ZBTB20: variants seen among roughly 807,000 people sequenced by gnomAD.
ZBTB20 encodes the protein zinc finger and BTB domain-containing protein 20.
Under a neutral mutation model 56.9 loss-of-function variants are expected in ZBTB20, and 9 were observed. The ratio of observed to expected loss-of-function variants is 0.16; its 90% confidence interval spans 0.10 to 0.28. The LOEUF is 0.28. Among genes scored for constraint, ZBTB20 ranks in the 10% least tolerant of loss-of-function variants. The pLI is 1.00. For missense variants in ZBTB20, 655 were observed against 1,003.0 expected (o/e 0.65, Z 4.69); for synonymous variants, 417 against 420.7 (o/e 0.99, Z 0.11).
At chr3:114,977,724 A>G (rs1267267958) in intron 2 of ZBTB20, among the ~76,000 whole-genome samples, 1 of 152,190 alleles carries the variant, frequency 6.6e-6, no homozygotes, top group Non-Finnish European at 1.5e-5. Context: ...CTGAACTCCA[A>G]TGTGGGAAGG....
intron 4 of ZBTB20, among the ~76,000 whole-genome samples, chr3:114,850,051 C>A (rs1306057500): frequency 6.6e-6 from 1 of 151,956 alleles, no homozygotes; most frequent in Non-Finnish European, 1.5e-5. Context: ...AGGTGCCCGC[C>A]ACCACGCCTG....
chr3:114,776,663 A>C (rs1000345396), intron 5 of ZBTB20, among the ~76,000 whole-genome samples: 1 of 152,226 alleles, frequency 6.6e-6, no homozygotes, highest in Admixed American at 6.5e-5. Flanking sequence ...ACAGGAAACT[A>C]ATACAAATGG....
intron 4 of ZBTB20, among the ~76,000 whole-genome samples, chr3:114,876,046 C>T (rs918500190): frequency 2.0e-5 from 3 of 151,346 alleles, no homozygotes; most frequent in African/African-American, 7.3e-5. Context: ...CCAGCCTGGG[C>T]AAAACAGCAA....
intron 5 of ZBTB20, among the ~76,000 whole-genome samples, chr3:114,717,345 A>G (rs1335450423): frequency 6.6e-6 from 1 of 152,122 alleles, no homozygotes; most frequent in East Asian, 1.9e-4. Context: ...AAATAAGCAA[A>G]CTGATAGCCA....
At chr3:114,955,973 T>C (rs1048639797) in intron 3 of ZBTB20, among the ~76,000 whole-genome samples, 2 of 152,138 alleles carry the variant, frequency 1.3e-5, no homozygotes, top group Non-Finnish European at 1.5e-5. Context: ...TGGTGCCAAA[T>C]AGTGATGGTT....
intron 2 of ZBTB20, among the ~76,000 whole-genome samples, chr3:114,977,376 A>G (rs1435518780): frequency 6.6e-6 from 1 of 152,226 alleles, no homozygotes; most frequent in Non-Finnish European, 1.5e-5. Context: ...TAAAAAACAA[A>G]TTTAAATGAG....
intron 1 of ZBTB20, among the ~76,000 whole-genome samples, chr3:115,101,350 A>AT (rs1432832279): frequency 6.6e-6 from 1 of 152,042 alleles, no homozygotes. Context: ...TTCTAACCAG[A>AT]TTTTTTCTAT....
At chr3:114,369,427 A>T (rs2722009) in intron 10 of ZBTB20, among the ~76,000 whole-genome samples, 3,035 of 152,330 alleles carry the variant, frequency 0.02, 109 homozygotes, top group African/African-American at 0.067. Flanking sequence ...TTGTGAAATT[A>T]TAAAGACTCA....
In ZBTB20 at chr3:114,720,830, C is replaced by T. The variant is rs547741046; in HGVS notation, c.-342-27255G>A. On this transcript the variant is annotated intron_variant, in intron 5 of 11. Coordinates refer to ENST00000675478, the MANE Select transcript of ZBTB20 (RefSeq NM_001348800.3). ...GACCTGTGCCTGACATATTTAATATCTATTTGTTGGGATAATGCCCAGAAG... is the reference window on the plus strand; with the variant it reads ...GACCTGTGCCTGACATATTTAATATTTATTTGTTGGGATAATGCCCAGAAG... Among the ~76,000 whole-genome samples the T allele has an allele frequency of 7.9e-5, 12 of 152,076 alleles. No homozygotes were observed. The South Asian group carries it at 2.5e-3, about 32-fold the overall frequency.
At chr3:115,066,065 T>C (rs1214270360) in intron 2 of ZBTB20, among the ~76,000 whole-genome samples, 3 of 152,154 alleles carry the variant, frequency 2.0e-5, no homozygotes, top group African/African-American at 4.8e-5. Context: ...CCCATGAAAC[T>C]CATTCCCCTT....
intron 7 of ZBTB20, among the ~76,000 whole-genome samples, chr3:114,497,388 C>T (rs62264753): frequency 6.6e-6 from 1 of 152,188 alleles, no homozygotes; most frequent in Non-Finnish European, 1.5e-5. Context: ...GCCTGCTTTC[C>T]AGCCCAATCT....
At chr3:114,716,307 A>G (rs1436991922) in intron 5 of ZBTB20, among the ~76,000 whole-genome samples, 1 of 152,152 alleles carries the variant, frequency 6.6e-6, no homozygotes, top group Non-Finnish European at 1.5e-5. Flanking sequence ...CAGACTAGAT[A>G]AATTACAGTA....
intron 5 of ZBTB20, 80 bp from the exon 6 acceptor site, chr3:114,693,655 C>G (rs777472275): frequency 6.6e-5 from 10 of 152,080 alleles, no homozygotes; most frequent in Non-Finnish European, 1.3e-4. Context: ...TAGAAAATAA[C>G]CCATTTATTC....
chr3:114,599,264 T>A (rs2056578943), intron 6 of ZBTB20: 1 of 152,058 alleles, frequency 6.6e-6, no homozygotes, highest in Non-Finnish European at 1.5e-5. Context: ...AATAGTTTCG[T>A]GAGGACTCAG....
chr3:114,384,406 G>GA (rs1472208646), intron 8 of ZBTB20, among the ~76,000 whole-genome samples: 13 of 150,952 alleles, frequency 8.6e-5, no homozygotes, highest in Non-Finnish European at 1.5e-5. Context: ...CTTCCACAGA[G>GA]AAACAGACCA....
At chr3:114,991,899 C>G (rs1173918762) in intron 2 of ZBTB20, among the ~76,000 whole-genome samples, 1 of 152,026 alleles carries the variant, frequency 6.6e-6, no homozygotes, top group Non-Finnish European at 1.5e-5. Flanking sequence ...GGTTTAAAGT[C>G]TGTTTTATCA....
chr3:114,736,101 C>A (rs2066139606), intron 5 of ZBTB20, among the ~76,000 whole-genome samples: 1 of 152,102 alleles, frequency 6.6e-6, no homozygotes, highest in African/African-American at 2.4e-5. Flanking sequence ...AAAGGATACA[C>A]CGGAGTTTCC....
Position 114,323,073 on chromosome 3 carries a change from C to T in ZBTB20, c.*15932G>A, listed in dbSNP as rs1187872322. ...CATCTTTACTCTTGTGTTATTATTTCCCACACAATCTATTGCTTATCCTGT... is the reference window on the plus strand; with the variant it reads ...CATCTTTACTCTTGTGTTATTATTTTCCACACAATCTATTGCTTATCCTGT... On this transcript the variant is annotated 3_prime_UTR_variant, in exon 12 of 12. Coordinates refer to ENST00000675478, the MANE Select transcript of ZBTB20 (RefSeq NM_001348800.3). 6.6e-6 allele frequency: 1 copy of T among 151,784 alleles called. No homozygotes were observed. Among genetic ancestry groups the T allele is most frequent in the Non-Finnish European group, 1.5e-5 (1 of 67,800 alleles). 9.4% of individuals were successfully genotyped at this position (151,784 alleles called of 1,614,324 possible).
intron 2 of ZBTB20, among the ~76,000 whole-genome samples, chr3:115,015,627 T>G (rs2079919699): frequency 6.6e-6 from 1 of 151,994 alleles, no homozygotes. Flanking sequence ...GCTCCATCCA[T>G]GTCCCTGAAA....
Sources: gnomAD v4.1 joint callset for allele counts (sites outside exome capture counted in the v4.1 genomes callset) on GRCh38, gnomAD v4.1.1 for gene constraint, MANE v1.5 for transcripts, NCBI Gene and HGNC (gene_info 2026-07-23, HGNC 2026-07-21) for gene names.